Variants in ZNF480 observed in about 807,000 individuals in gnomAD.
ZNF480 encodes the protein zinc finger protein 480.
ZNF480 carries 15 observed loss-of-function variants against 14.4 expected under a neutral mutation model. That is an observed-to-expected ratio of 1.04 (90% CI 0.70 to 1.60). ZNF480 has a LOEUF of 1.60. ZNF480 is among the 40% of genes most tolerant of loss of function. The pLI is 0.00. For synonymous variants in ZNF480, 218 were observed against 215.5 expected (o/e 1.01, Z -0.10); for missense variants, 593 against 629.7 (o/e 0.94, Z 0.62).
Position 52,297,448 on chromosome 19 carries a change from C to T in ZNF480, c.-20+225C>T, listed in dbSNP as rs1387204397. On this transcript the variant is annotated intron_variant, in intron 1 of 4. Transcript: ENST00000595962. ...CTTCTGCCACAGGGCCATGTAGTCA[C>T]CTCCTGTCGCGGAGTTTTCCTGTTT... is the stretch of plus-strand genomic sequence containing the variant. 2.0e-5 allele frequency among the ~76,000 whole-genome samples: 3 copies of T among 151,868 alleles called. No individual in the cohort carries two copies. In the East Asian group the frequency reaches 5.9e-4, roughly 30 times the overall value.
chr19:52,314,473 C>CAAAAAAAAAAAAA (rs34349660), intron 3 of ZNF480, among the ~76,000 whole-genome samples, 194 bp downstream of exon 3: 17 of 66,210 alleles, frequency 2.6e-4, no homozygotes, highest in African/African-American at 9.0e-4. Context: ...AACTCCGTCC[C>CAAAAAAAAAAAAA]AAAAAAAAAA....
intron 3 of ZNF480, among the ~76,000 whole-genome samples, chr19:52,314,720 C>A (rs1427531488): frequency 6.6e-6 from 1 of 151,780 alleles, no homozygotes; most frequent in Non-Finnish European, 1.5e-5. Context: ...AGGAGAATCT[C>A]TTGAACCCGG....
At chr19:52,304,765 T>C (rs1189003837) in intron 2 of ZNF480, among the ~76,000 whole-genome samples, 1 of 152,100 alleles carries the variant, frequency 6.6e-6, no homozygotes, top group Non-Finnish European at 1.5e-5. Flanking sequence ...TCCCCATTGC[T>C]GTAATAAATC....
intron 4 of ZNF480, among the ~76,000 whole-genome samples, chr19:52,321,315 A>C (rs1983797433): frequency 6.6e-6 from 1 of 152,016 alleles, no homozygotes; most frequent in South Asian, 2.1e-4. Context: ...TCTTTTTCTC[A>C]GAAGGTTTCA....
At chr19:52,321,520 A>G (rs1983808583) in intron 4 of ZNF480, 59 bp from the exon 5 acceptor site, 9 of 1,414,314 alleles carry the variant, frequency 6.4e-6, no homozygotes, top group Non-Finnish European at 8.6e-6. Context: ...TATTTTCATC[A>G]GACTCTAAAC....
Position 52,306,230 on chromosome 19 carries a change from G to A in ZNF480, c.72+5746G>A, listed in dbSNP as rs1243994676. Among the ~76,000 whole-genome samples the A allele has an allele frequency of 5.3e-5, 8 of 152,334 alleles. 1 individual carries two copies. In the East Asian group the frequency reaches 9.6e-4, roughly 18 times the overall value. ...CCACAACACTACGTCCTGAGCAGCT[G>A]AATCTGCAATCACCTTTTTAAGAGA... On this transcript the variant is annotated intron_variant, in intron 2 of 4. Transcript: ENST00000595962.
intron 4 of ZNF480, among the ~76,000 whole-genome samples, chr19:52,316,857 T>C (rs1200454192): frequency 6.6e-6 from 1 of 152,222 alleles, no homozygotes; most frequent in Non-Finnish European, 1.5e-5. Flanking sequence ...GGTTCATCTA[T>C]TTTGTAGCAC....
chr19:52,307,879 C>T (rs1983027527), intron 2 of ZNF480, among the ~76,000 whole-genome samples: 1 of 152,174 alleles, frequency 6.6e-6, no homozygotes, highest in Non-Finnish European at 1.5e-5. Flanking sequence ...TCCAGTAAAC[C>T]AACAACTTTT....
chr19:52,303,911 A>G (rs1433444150), intron 2 of ZNF480, among the ~76,000 whole-genome samples: 1 of 152,238 alleles, frequency 6.6e-6, no homozygotes, highest in African/African-American at 2.4e-5. Context: ...GTCCCTAAGT[A>G]GGAGTAAGGA....
At chr19:52,316,668 G>T (rs1263533252) in intron 4 of ZNF480, among the ~76,000 whole-genome samples, 2 of 151,700 alleles carry the variant, frequency 1.3e-5, no homozygotes, top group Non-Finnish European at 2.9e-5. Flanking sequence ...TTTTTATTTC[G>T]AATTTAGATT....
chr19:52,308,285 T>TTTTCTGC (rs1226120989), intron 2 of ZNF480, among the ~76,000 whole-genome samples: 1 of 148,150 alleles, frequency 6.7e-6, no homozygotes, highest in East Asian at 2.0e-4. Flanking sequence ...AAGGAAAACG[T>TTTTCTGC]TTTCTGCTTG....
At chr19:52,303,567 C>T (rs1257143423) in intron 2 of ZNF480, among the ~76,000 whole-genome samples, 20 of 152,174 alleles carry the variant, frequency 1.3e-4, no homozygotes, top group Admixed American at 1.3e-3. Flanking sequence ...ACCAAGTCTG[C>T]TTTTGGACAG....
rs1449945308 is a variant in ZNF480, at chr19:52,325,086, T to TA, written c.*2233dup. On this transcript the variant is annotated 3_prime_UTR_variant, in exon 5 of 5. Transcript: ENST00000595962. ...TCAACAATGAGAAAAACAACCCCAT[T>TA]AAAAACTGGGCAAAGGCCATGAATA... 3.3e-5 allele frequency: 5 copies of TA among 152,016 alleles called. No homozygotes were observed. The highest frequency in any genetic ancestry group is 1.2e-4 in the African/African-American group (5 of 41,470). 9.4% of individuals were successfully genotyped at this position (152,016 alleles called of 1,614,324 possible). A position where few individuals can be genotyped will look rare whatever the true frequency, so the allele number is the denominator to read the frequency against.
rs781377780 is a variant in ZNF480, at chr19:52,321,649, C to G, written c.399C>G (p.His133Gln). The G allele has an allele frequency of 1.2e-6, 2 of 1,613,416 alleles. No homozygotes were observed. Among genetic ancestry groups the G allele is most frequent in the South Asian group, 1.1e-5 (1 of 90,944 alleles). The change falls in exon 5 of 5, where the codon CAC (histidine) becomes CAG (glutamine). Residue 133 changes from histidine (H) to glutamine (Q), a missense_variant. Transcript: ENST00000595962. Reference sequence around the variant, plus strand: ...AAAAACAACTTGGAGTATCCTTTCACTTACATCTGTCTGAACTGGAGCTAT... The same window carrying G: ...AAAAACAACTTGGAGTATCCTTTCAGTTACATCTGTCTGAACTGGAGCTAT... ...PIKKQLGVSF[H>Q]LHLSELELFP...
chr19:52,305,177 A>G (rs1277104564), intron 2 of ZNF480, among the ~76,000 whole-genome samples: 1 of 152,166 alleles, frequency 6.6e-6, no homozygotes, highest in Non-Finnish European at 1.5e-5. Flanking sequence ...TCACAATGCA[A>G]TATATAACTG....
chr19:52,307,065 TATC>T (rs1982968678), intron 2 of ZNF480, among the ~76,000 whole-genome samples: 1 of 152,142 alleles, frequency 6.6e-6, no homozygotes, highest in Non-Finnish European at 1.5e-5. Context: ...TCCTCTTCCT[TATC>T]ATCTGTGTGG....
intron 2 of ZNF480, among the ~76,000 whole-genome samples, chr19:52,308,307 CTT>C (rs146136889): frequency 0.16 from 20,920 of 127,990 alleles, 2,814 homozygotes; most frequent in African/African-American, 0.4. Context: ...TTTTTTTCTT[CTT>C]TTTTTTTTTT....
At chr19:52,319,822 T>TTTG (rs1555799208) in intron 4 of ZNF480, among the ~76,000 whole-genome samples, 6 of 107,528 alleles carry the variant, frequency 5.6e-5, no homozygotes, top group African/African-American at 3.1e-5. Context: ...TTTTTTTTTT[T>TTTG]TTTTTTTTTT....
At position 52,322,273 on chromosome 19, in the gene ZNF480, G is replaced by T. The variant is rs781764201; in HGVS notation, c.1023G>T (p.Lys341Asn). ...ATTGGAGAATTTATACTGGAGAGAA[G>T]CCTTACAAATGTGATGAATGTGGCA... ...ANHWRIYTGE[K>N]PYKCDECGKA... Residue 341 changes from lysine (K) to asparagine (N), a missense_variant, in exon 5 of 5, where the codon AAG becomes AAT. Transcript: ENST00000595962. 1 of 1,613,682 alleles carries T rather than the reference G, an allele frequency of 6.2e-7. No homozygotes were observed. Among genetic ancestry groups the T allele is most frequent in the African/African-American group, 1.3e-5 (1 of 74,850 alleles).
Sources: gnomAD v4.1 joint callset for allele counts (sites outside exome capture counted in the v4.1 genomes callset) on GRCh38, gnomAD v4.1.1 for gene constraint, MANE v1.5 for transcripts, NCBI Gene and HGNC (gene_info 2026-07-23, HGNC 2026-07-21) for gene names.